Variants in SEPTIN9 observed in about 807,000 individuals in gnomAD.
SEPTIN9 encodes septin-9.
SEPTIN9 carries 13 observed loss-of-function variants against 56.6 expected under a neutral mutation model. That is an observed-to-expected ratio of 0.23 (90% CI 0.15 to 0.37). SEPTIN9 has a LOEUF of 0.37. Among genes scored for constraint, SEPTIN9 ranks in the 10% least tolerant of loss-of-function variants. The pLI is 1.00. For synonymous variants in SEPTIN9, 332 were observed against 334.1 expected (o/e 0.99, Z 0.07); for missense variants, 650 against 823.1 (o/e 0.79, Z 2.57).
intron 2 of SEPTIN9, among the ~76,000 whole-genome samples, chr17:77,331,402 G>A (rs544390315): frequency 1.3e-5 from 2 of 151,940 alleles, no homozygotes; most frequent in Non-Finnish European, 2.9e-5. Flanking sequence ...TTTGTCGAGC[G>A]GGGGCGGTGT....
chr17:77,450,583 C>T lies in SEPTIN9; in HGVS notation c.722-31561C>T, dbSNP rs2037926754. ...GATGGGTCTGGCAGATCCCAGCGTC[C>T]AGGCCCAGCCCCTATAGTGTCAGCT... On this transcript the variant is annotated intron_variant, in intron 3 of 11. Coordinates refer to ENST00000427177, the MANE Select transcript of SEPTIN9 (RefSeq NM_001113491.2). This position sits in a 1 kb window ranked among gnomAD's most constrained non-coding sequence, Gnocchi z 6.0. The T allele has an allele frequency of 3.0e-6, 3 of 985,516 alleles. No homozygotes were observed. In the Admixed American group the frequency reaches 1.8e-4, roughly 61 times the overall value. 61.0% of individuals were successfully genotyped at this position (985,516 alleles called of 1,614,324 possible).
At chr17:77,398,476 T>C (rs1465437872) in intron 2 of SEPTIN9, among the ~76,000 whole-genome samples, 1 of 152,060 alleles carries the variant, frequency 6.6e-6, no homozygotes, top group Non-Finnish European at 1.5e-5. Flanking sequence ...TGGAGTGGGC[T>C]TGGCTTTGAG....
intron 11 of SEPTIN9, among the ~76,000 whole-genome samples, chr17:77,497,959 C>T (rs532392429): frequency 2.0e-3 from 305 of 152,166 alleles, no homozygotes; most frequent in African/African-American, 6.8e-3. Flanking sequence ...TTCCGGGAGC[C>T]GTTCTGCCAT....
chr17:77,316,982 G>A (rs377556093), intron 2 of SEPTIN9, among the ~76,000 whole-genome samples: 3 of 152,164 alleles, frequency 2.0e-5, no homozygotes, highest in African/African-American at 7.2e-5. Context: ...ATTGGAAAAG[G>A]GATTAAAGAA....
intron 2 of SEPTIN9, among the ~76,000 whole-genome samples, chr17:77,346,551 A>G (rs2033901422): frequency 6.6e-6 from 1 of 151,818 alleles, no homozygotes; most frequent in African/African-American, 2.4e-5. Context: ...AGACAAGCAT[A>G]TTTTGCATGC....
At chr17:77,471,648 C>T (rs1413401363) in intron 3 of SEPTIN9, among the ~76,000 whole-genome samples, 1 of 152,258 alleles carries the variant, frequency 6.6e-6, no homozygotes, top group Non-Finnish European at 1.5e-5. Context: ...GGGGACATCC[C>T]TGATAAGAGG....
rs574357988 is a variant in SEPTIN9, at chr17:77,436,739, C to G, written c.721+34036C>G. On this transcript the variant is annotated intron_variant, in intron 3 of 11. Coordinates refer to ENST00000427177, the MANE Select transcript of SEPTIN9 (RefSeq NM_001113491.2). The surrounding 1 kb of genome is among the most constrained non-coding windows in gnomAD (Gnocchi z 4.4). ...AAAGCCGCTTCCGGGCAGCCAGCCC[C>G]CATCCTGGGAGTGACTGAAAGTCCT... Among the ~76,000 whole-genome samples the G allele has an allele frequency of 2.6e-5, 4 of 152,402 alleles. No individual in the cohort carries two copies. Among genetic ancestry groups the G allele is most frequent in the Admixed American group, 2.0e-4 (3 of 15,310 alleles).
rs530406380 is a variant in SEPTIN9 at position 77,400,116 on chromosome 17, A to G, written c.77-1943A>G. On this transcript the variant is annotated intron_variant, in intron 2 of 11. Transcript: ENST00000427177. This position sits in a 1 kb window ranked among gnomAD's most constrained non-coding sequence, Gnocchi z 4.1. ...CTCAGCCTCCTGAGTAGCTGGGACT[A>G]TAGGCGAGTGTCACCATGCCCAGCT... Among the ~76,000 whole-genome samples the G allele has an allele frequency of 1.3e-5, 2 of 152,156 alleles. No homozygotes were observed. Among genetic ancestry groups the G allele is most frequent in the East Asian group, 3.9e-4 (2 of 5,192 alleles).
Position 77,288,495 on chromosome 17 carries a change from C to T in SEPTIN9, c.19+6941C>T, listed in dbSNP as rs566972691. ...ACCAGGAAGGGCTGGGCAGAGCAGG[C>T]GGGTGGGCCGCCCCTGGGGCCTTGT... On this transcript the variant is annotated intron_variant, in intron 1 of 11. Transcript: ENST00000427177. 2.6e-5 allele frequency among the ~76,000 whole-genome samples: 4 copies of T among 152,314 alleles called. No homozygotes were observed. The South Asian group carries it at 6.2e-4, about 24-fold the overall frequency.
chr17:77,419,212 G>A (rs922425932), intron 3 of SEPTIN9, among the ~76,000 whole-genome samples: 10 of 152,302 alleles, frequency 6.6e-5, no homozygotes, highest in African/African-American at 2.4e-4. Context: ...CCCTCCCCAG[G>A]CGGGTCACAC....
intron 3 of SEPTIN9, among the ~76,000 whole-genome samples, chr17:77,447,384 A>C (rs935878639): frequency 2.6e-5 from 4 of 152,250 alleles, no homozygotes; most frequent in African/African-American, 7.2e-5. Flanking sequence ...AGGACCCTCC[A>C]CCAAAAAACA....
chr17:77,404,954 C>A, intron 3 of SEPTIN9: 1 of 847,250 alleles, frequency 1.2e-6, no homozygotes, highest in South Asian at 1.8e-5. Flanking sequence ...TGTTTCCTCC[C>A]CTGCCTTCTG....
intron 1 of SEPTIN9, among the ~76,000 whole-genome samples, chr17:77,291,085 G>A (rs1019131895): frequency 4.9e-5 from 7 of 142,910 alleles, no homozygotes; most frequent in Non-Finnish European, 1.1e-4. Context: ...GCCCAGGCTG[G>A]AGTGCCGTGG....
intron 3 of SEPTIN9, among the ~76,000 whole-genome samples, chr17:77,439,719 C>T (rs79894324): frequency 0.038 from 5,792 of 152,296 alleles, 331 homozygotes; most frequent in African/African-American, 0.12. Context: ...GGCCCTGTCA[C>T]CAGGCTCGTG....
At chr17:77,312,538 C>T (rs1286116948) in intron 2 of SEPTIN9, among the ~76,000 whole-genome samples, 1 of 152,166 alleles carries the variant, frequency 6.6e-6, no homozygotes, top group African/African-American at 2.4e-5. Flanking sequence ...CCCCTTCTAT[C>T]AGCTTGGCCT....
intron 3 of SEPTIN9, among the ~76,000 whole-genome samples, chr17:77,458,732 G>T (rs1417874305): frequency 6.6e-6 from 1 of 152,174 alleles, no homozygotes; most frequent in Non-Finnish European, 1.5e-5. Flanking sequence ...GGGAAGTGGG[G>T]AGCAGGAGCA....
At position 77,402,282 on chromosome 17, in the gene SEPTIN9, G is replaced by A. The variant is rs553444565; in HGVS notation, c.300G>A (p.Ala100=). The part of the protein sequence containing the change: ...LRRVELSGPK[A]AEPVSRRTEL... ...GGGTGGAGCTCTCGGGCCCCAAGGC[G>A]GCCGAGCCGGTGTCCCGGCGCACTG... The change falls in exon 3 of 12, where the codon GCG becomes GCA. Residue 100 remains alanine (A), a synonymous_variant. Transcript: ENST00000427177. This position sits in a 1 kb window ranked among gnomAD's most constrained non-coding sequence, Gnocchi z 6.6. 45 of 1,611,614 alleles carry A rather than the reference G, an allele frequency of 2.8e-5. 1 individual carries two copies. The highest frequency in any genetic ancestry group is 2.3e-4 in the African/African-American group (17 of 74,912).
intron 1 of SEPTIN9, among the ~76,000 whole-genome samples, chr17:77,289,088 TGTTTG>T (rs750710998): frequency 6.6e-6 from 1 of 152,158 alleles, no homozygotes; most frequent in Non-Finnish European, 1.5e-5. Flanking sequence ...TTTTTTGTTT[TGTTTG>T]GTTTGGTTTG....
Position 77,434,616 on chromosome 17 carries a change from C to T in SEPTIN9, c.721+31913C>T, listed in dbSNP as rs2037272119. On this transcript the variant is annotated intron_variant, in intron 3 of 11. Transcript: ENST00000427177. This position sits in a 1 kb window ranked among gnomAD's most constrained non-coding sequence, Gnocchi z 5.0. Reference sequence around the variant, plus strand: ...GTTGAAGGTGCCCTGGCAGGACCTGCACCATGACCCCCGTCAAAGCTCACG... The same window carrying T: ...GTTGAAGGTGCCCTGGCAGGACCTGTACCATGACCCCCGTCAAAGCTCACG... 6.6e-6 allele frequency among the ~76,000 whole-genome samples: 1 copy of T among 152,192 alleles called. No homozygotes were observed. Among genetic ancestry groups the T allele is most frequent in the Non-Finnish European group, 1.5e-5 (1 of 68,018 alleles).
Sources: allele counts gnomAD v4.1 joint callset (sites outside exome capture counted in the v4.1 genomes callset), GRCh38; gene constraint gnomAD v4.1.1; non-coding constraint Gnocchi (gnomAD v3.1); transcripts MANE v1.5; gene names NCBI Gene and HGNC (gene_info 2026-07-23, HGNC 2026-07-21).